CNTN5: variants seen among roughly 807,000 people sequenced by gnomAD.
CNTN5 encodes contactin 5.
In CNTN5, 77 loss-of-function variants were observed where a neutral mutation model predicts 129.1. The ratio of observed to expected loss-of-function variants is 0.60; its 90% CI spans 0.50 to 0.72. The LOEUF (loss-of-function observed/expected upper bound fraction) is 0.72. CNTN5 is among the 30% of genes least tolerant of loss of function. The probability of loss-of-function intolerance (pLI) is 0.00; values close to 1 mark genes in which losing one functional copy is unlikely to be tolerated. For missense variants in CNTN5, 1,478 were observed against 1,328.8 expected (o/e 1.11, Z -1.75); for synonymous variants, 509 against 465.6 (o/e 1.09, Z -1.20).
intron 2 of CNTN5, among the ~76,000 whole-genome samples, chr11:99,461,264 T>C (rs2135233528): frequency 6.6e-6 from 1 of 152,224 alleles, no homozygotes; most frequent in South Asian, 2.1e-4. Context: ...ATTGTCAAGG[T>C]GTATGTTTTT....
chr11:99,927,016 A>T (rs1233280933), intron 7 of CNTN5, among the ~76,000 whole-genome samples: 1 of 152,188 alleles, frequency 6.6e-6, no homozygotes, highest in Non-Finnish European at 1.5e-5. Context: ...AGTGAGACTA[A>T]TTTTAAAAGT....
At chr11:99,023,465 C>T (rs574763470) in intron 1 of CNTN5, among the ~76,000 whole-genome samples, 11 of 152,168 alleles carry the variant, frequency 7.2e-5, no homozygotes, top group African/African-American at 2.2e-4. Context: ...GCAAAGGGCC[C>T]GCATAGGCTG....
intron 1 of CNTN5, among the ~76,000 whole-genome samples, chr11:99,180,227 G>A (rs758220840): frequency 1.3e-5 from 2 of 152,148 alleles, no homozygotes; most frequent in African/African-American, 2.4e-5. Context: ...GATACAGTAA[G>A]CAGATTGATA....
At chr11:100,124,011 T>C (rs537130458) in intron 13 of CNTN5, among the ~76,000 whole-genome samples, 1 of 152,122 alleles carries the variant, frequency 6.6e-6, no homozygotes, top group African/African-American at 2.4e-5. Context: ...AACCAAAAAG[T>C]TCTTGTTCTT....
chr11:99,705,963 A>G (rs1037830542), intron 3 of CNTN5, among the ~76,000 whole-genome samples: 1 of 151,450 alleles, frequency 6.6e-6, no homozygotes, highest in African/African-American at 2.4e-5. Context: ...AAGCTGAACC[A>G]TCACCAGGGT....
rs1026601032 is a variant in CNTN5, at chr11:99,220,213, A to G, written c.-209-105133A>G. On this transcript the variant is annotated intron_variant, in intron 1 of 24. Transcript: ENST00000524871. ...TTGTTATGAAAGTCTTCACAATTAC[A>G]TATAATTACAGGTCACTAACACTTG... is the stretch of plus-strand genomic sequence containing the variant. 3.9e-5 allele frequency among the ~76,000 whole-genome samples: 6 copies of G among 152,022 alleles called. No individual in the cohort carries two copies. In the South Asian group the frequency reaches 6.2e-4, roughly 16 times the overall value.
intron 2 of CNTN5, among the ~76,000 whole-genome samples, chr11:99,416,047 T>C (rs1942642917): frequency 6.6e-6 from 1 of 152,162 alleles, no homozygotes; most frequent in African/African-American, 2.4e-5. Flanking sequence ...CATTTGTATG[T>C]GCATTTCTTC....
chr11:99,865,081 G>A (rs1460482818), intron 6 of CNTN5, among the ~76,000 whole-genome samples: 2 of 152,162 alleles, frequency 1.3e-5, no homozygotes, highest in East Asian at 1.9e-4. Context: ...AGGTACTGGA[G>A]TAAGCATCTT....
At chr11:99,585,323 G>A (rs538806608) in intron 3 of CNTN5, among the ~76,000 whole-genome samples, 9 of 152,274 alleles carry the variant, frequency 5.9e-5, no homozygotes, top group African/African-American at 2.2e-4. Flanking sequence ...ATATGTGTGA[G>A]AGCAGGGTTT....
chr11:99,762,829 G>A (rs1337229885), intron 3 of CNTN5, among the ~76,000 whole-genome samples: 3 of 152,188 alleles, frequency 2.0e-5, no homozygotes, highest in Non-Finnish European at 4.4e-5. Context: ...CTTTCAAAGT[G>A]GTAGGCAGAC....
chr11:99,927,186 T>C (rs1431583751), intron 7 of CNTN5, among the ~76,000 whole-genome samples: 1 of 152,190 alleles, frequency 6.6e-6, no homozygotes, highest in Admixed American at 6.5e-5. Flanking sequence ...AGAAAATCAG[T>C]ATTTTACATT....
intron 2 of CNTN5, among the ~76,000 whole-genome samples, chr11:99,336,109 A>G (rs1331454392): frequency 1.3e-5 from 2 of 152,190 alleles, no homozygotes; most frequent in African/African-American, 4.8e-5. Context: ...GTTTGTACAC[A>G]GTAGTAAATT....
intron 7 of CNTN5, among the ~76,000 whole-genome samples, chr11:99,935,062 T>A (rs1322470707): frequency 6.6e-6 from 1 of 150,642 alleles, no homozygotes; most frequent in Non-Finnish European, 1.5e-5. Flanking sequence ...TATCTTCACA[T>A]AGAAATATAT....
chr11:99,693,876 A>T (rs191317464), intron 3 of CNTN5, among the ~76,000 whole-genome samples: 2 of 152,104 alleles, frequency 1.3e-5, no homozygotes, highest in African/African-American at 4.8e-5. Context: ...TTCCCTATTG[A>T]TGAAGGAGAT....
intron 1 of CNTN5, among the ~76,000 whole-genome samples, chr11:99,286,469 C>T (rs538681515): frequency 7.9e-5 from 12 of 152,090 alleles, no homozygotes; most frequent in South Asian, 4.1e-4. Flanking sequence ...ATAAGGAGAA[C>T]GTGAAGAACA....
At chr11:99,905,825 G>A (rs1308814842) in intron 6 of CNTN5, among the ~76,000 whole-genome samples, 1 of 152,152 alleles carries the variant, frequency 6.6e-6, no homozygotes. Flanking sequence ...TTGAGCAGTA[G>A]TTTGCAGTTT....
At chr11:99,143,172 A>C (rs976874466) in intron 1 of CNTN5, among the ~76,000 whole-genome samples, 5 of 151,946 alleles carry the variant, frequency 3.3e-5, no homozygotes, top group African/African-American at 9.7e-5. Context: ...AATCTTTAAC[A>C]AGCAAACAAA....
At chr11:99,274,063 C>A (rs570879191) in intron 1 of CNTN5, among the ~76,000 whole-genome samples, 8 of 151,870 alleles carry the variant, frequency 5.3e-5, no homozygotes, top group African/African-American at 1.9e-4. Flanking sequence ...AACCATACTT[C>A]AAGTGCTCAG....
intron 3 of CNTN5, among the ~76,000 whole-genome samples, chr11:99,680,777 A>G (rs927817922): frequency 1.3e-5 from 2 of 152,024 alleles, no homozygotes; most frequent in Admixed American, 6.6e-5. Context: ...TATGGCAGCT[A>G]TAGTCTTATG....
Sources: gnomAD v4.1 joint callset for allele counts (sites outside exome capture counted in the v4.1 genomes callset) on GRCh38, gnomAD v4.1.1 for gene constraint, MANE v1.5 for transcripts, NCBI Gene and HGNC (gene_info 2026-07-23, HGNC 2026-07-21) for gene names.